Variants in TBC1D2B observed in about 807,000 individuals in gnomAD.
TBC1D2B encodes the protein TBC1 domain family, member 2B.
TBC1D2B carries 64 observed loss-of-function variants against 100.8 expected under a neutral mutation model. That is an observed-to-expected ratio of 0.64 (90% CI 0.52 to 0.78). TBC1D2B has a LOEUF of 0.78. Ranked by LOEUF, TBC1D2B falls within the 30% of genes least tolerant of loss-of-function variation. TBC1D2B has a pLI of 0.00. For missense variants in TBC1D2B, 1,052 were observed against 1,218.4 expected (o/e 0.86, Z 2.03); for synonymous variants, 480 against 479.7 (o/e 1.00, Z -0.01).
chr15:78,023,313 C>T (rs1427400730), intron 6 of TBC1D2B, among the ~76,000 whole-genome samples: 1 of 152,186 alleles, frequency 6.6e-6, no homozygotes, highest in Non-Finnish European at 1.5e-5. Context: ...GTCAAACAGG[C>T]TATACTTGAT....
intron 12 of TBC1D2B, chr15:77,998,953 A>G (rs977024218): frequency 2.8e-5 from 5 of 180,014 alleles, no homozygotes; most frequent in African/African-American, 9.5e-5. Context: ...CAAGGCTCCA[A>G]TTTTCAATAA....
At chr15:78,038,846 T>C (rs576250655) in intron 3 of TBC1D2B, among the ~76,000 whole-genome samples, 1 of 152,332 alleles carries the variant, frequency 6.6e-6, no homozygotes, top group South Asian at 2.1e-4. Flanking sequence ...GTGATTTCCA[T>C]GGAACAGTGT....
At chr15:78,015,258 A>G (rs2072341692) in intron 8 of TBC1D2B, among the ~76,000 whole-genome samples, 1 of 152,152 alleles carries the variant, frequency 6.6e-6, no homozygotes, top group Non-Finnish European at 1.5e-5. Context: ...TTCCAGAAAA[A>G]AACTGTGGGG....
intron 2 of TBC1D2B, 113 bp downstream of exon 2, chr15:78,053,921 A>G (rs1805901240): frequency 4.3e-6 from 5 of 1,159,906 alleles, no homozygotes. Context: ...CTCATAAGGT[A>G]GCATCATTAT....
chr15:78,014,440 C>T (rs1335922401), intron 8 of TBC1D2B, among the ~76,000 whole-genome samples: 1 of 152,332 alleles, frequency 6.6e-6, no homozygotes, highest in Non-Finnish European at 1.5e-5. Context: ...TTCCAGTCTG[C>T]ACCCTAGAGA....
Position 78,013,208 on chromosome 15 carries a change from G to T in TBC1D2B, c.1885C>A (p.Gln629Lys). 1 of 1,613,952 alleles carries T rather than the reference G, an allele frequency of 6.2e-7. No homozygotes were observed. Among genetic ancestry groups the T allele is most frequent in the Non-Finnish European group, 8.5e-7 (1 of 1,179,884 alleles). ...CACTTGACCCCAGTGGAGACTTCCTGGTTTTCTGTGAGGTAGAGAGTCTTC... is the reference window on the plus strand; with the variant it reads ...CACTTGACCCCAGTGGAGACTTCCTTGTTTTCTGTGAGGTAGAGAGTCTTC... ...DLKTLYLTEN[Q>K]EVSTGVKWEN... is the part of the protein sequence containing the mutation. The change falls in exon 9 of 13, where the codon CAG becomes AAG. Residue 629 changes from glutamine (Q) to lysine (K), a missense_variant. Physicochemically the swap from Gln to Lys is moderately conservative, Grantham distance 53. Transcript: ENST00000300584.
At chr15:78,072,687 G>A (rs991187937) in intron 1 of TBC1D2B, among the ~76,000 whole-genome samples, 6 of 152,280 alleles carry the variant, frequency 3.9e-5, no homozygotes, top group Middle Eastern at 3.4e-3. Context: ...ATTTGCTGAC[G>A]GTCTGATGAC....
chr15:78,025,393 C>T lies in TBC1D2B; in HGVS notation c.952G>A (p.Gly318Ser). Reference sequence around the variant, plus strand: ...GATGTGCCTTCACTTGAAGGGTCACCACTGCTGTGACGATTTTTGTACGAC... The same window carrying T: ...GATGTGCCTTCACTTGAAGGGTCACTACTGCTGTGACGATTTTTGTACGAC... ...IGSYKNRHSS[G>S]DPSSEGTSGS... Residue 318 changes from glycine (G) to serine (S), a missense_variant, in exon 5 of 13, where the codon GGT becomes AGT. Transcript: ENST00000300584. 6.2e-7 allele frequency: 1 copy of T among 1,613,964 alleles called. No individual in the cohort carries two copies. The highest frequency in any genetic ancestry group is 1.7e-4 in the Middle Eastern group (1 of 6,044).
intron 1 of TBC1D2B, 57 bp downstream of exon 1, chr15:78,077,236 C>G (rs1266851442): frequency 7.1e-7 from 1 of 1,403,786 alleles, no homozygotes; most frequent in South Asian, 1.6e-5. Context: ...AAGCCAGTGG[C>G]GGAGGCAGGG....
chr15:78,040,878 G>GAAAGAAAGAAAGAAAGAAAGAAAC (rs1567026244), intron 3 of TBC1D2B, among the ~76,000 whole-genome samples: 30 of 145,312 alleles, frequency 2.1e-4, no homozygotes, highest in Admixed American at 1.4e-3. Flanking sequence ...AAGAAAGAAA[G>GAAAGAAAGAAAGAAAGAAAGAAAC]AAAGAGAGAG....
chr15:78,033,924 C>T (rs1421598797), intron 3 of TBC1D2B, among the ~76,000 whole-genome samples: 3 of 152,268 alleles, frequency 2.0e-5, no homozygotes, highest in African/African-American at 2.4e-5. Flanking sequence ...GTTCTCATCA[C>T]GCTATCACAG....
chr15:78,010,119 CA>C (rs1326454184), intron 9 of TBC1D2B, among the ~76,000 whole-genome samples: 4 of 152,136 alleles, frequency 2.6e-5, no homozygotes, highest in Non-Finnish European at 5.9e-5. Context: ...ACAGCTTTCC[CA>C]ACACCATCCT....
At chr15:78,023,461 A>G (rs1412637810) in intron 6 of TBC1D2B, among the ~76,000 whole-genome samples, 1 of 152,178 alleles carries the variant, frequency 6.6e-6, no homozygotes, top group African/African-American at 2.4e-5. Context: ...CAAGAAGAGA[A>G]ATGCAGGCTG....
intron 1 of TBC1D2B, chr15:78,066,167 A>C (rs1174217867): frequency 2.2e-6 from 1 of 447,430 alleles, no homozygotes; most frequent in Non-Finnish European, 4.7e-6. Flanking sequence ...AGCCACCATG[A>C]TCAGCAAAGG....
Position 78,077,509 on chromosome 15 carries a change from G to T in TBC1D2B, c.144C>A (p.Gly48=). The change falls in exon 1 of 13, where the codon GGC becomes GGA. Residue 48 remains glycine (G), a synonymous_variant. Coordinates refer to ENST00000300584, the MANE Select transcript of TBC1D2B (RefSeq NM_144572.2). The part of the protein sequence containing the change: ...CGYLQKLSGK[G]PLRGYRSRWF... ...AGCGGCTGCGGTAGCCACGCAGGGGGCCCTTGCCCGACAGCTTCTGCAGAT... is the reference window on the plus strand; with the variant it reads ...AGCGGCTGCGGTAGCCACGCAGGGGTCCCTTGCCCGACAGCTTCTGCAGAT... The T allele has an allele frequency of 1.3e-6, 2 of 1,530,026 alleles. No individual in the cohort carries two copies. Among genetic ancestry groups the T allele is most frequent in the Non-Finnish European group, 8.8e-7 (1 of 1,138,734 alleles). The allele number at this position is 1,530,026 out of a possible 1,614,324, so 94.8% of individuals were successfully genotyped here.
At chr15:78,071,846 A>G (rs4887001) in intron 1 of TBC1D2B, among the ~76,000 whole-genome samples, 135,266 of 152,254 alleles carry the variant, frequency 0.89, 60,798 homozygotes, top group East Asian at 0.99. Context: ...ACCACAGACT[A>G]AGTGGCTTAA....
intron 2 of TBC1D2B, among the ~76,000 whole-genome samples, chr15:78,047,211 C>T (rs1232817645): frequency 1.3e-5 from 2 of 150,026 alleles, no homozygotes; most frequent in African/African-American, 2.5e-5. Context: ...TCACTAAGGC[C>T]TGGAGTGCAG....
chr15:78,067,464 CT>C (rs1375909200), intron 1 of TBC1D2B, among the ~76,000 whole-genome samples: 1 of 152,218 alleles, frequency 6.6e-6, no homozygotes, highest in African/African-American at 2.4e-5. Context: ...CAAGCACAGC[CT>C]CTCCTGAACA....
Position 78,003,413 on chromosome 15 carries a change from G to A in TBC1D2B, c.2466C>T (p.Val822=). The change falls in exon 11 of 13, where the codon GTC becomes GTT. Residue 822 remains valine (V), a synonymous_variant. Transcript: ENST00000300584. ...RLHGHFEQYK[V]DYTLITFNWF... ...AGTTGAAAGTGATGAGAGTGTAGTC[G>A]ACTTTGTACTGTTCAAAGTGGCCAT... 8 of 1,613,736 alleles carry A rather than the reference G, an allele frequency of 5.0e-6. No individual in the cohort carries two copies. The highest frequency in any genetic ancestry group is 4.5e-5 in the East Asian group (2 of 44,880).
Sources: gnomAD v4.1 joint callset for allele counts (sites outside exome capture counted in the v4.1 genomes callset) on GRCh38, gnomAD v4.1.1 for gene constraint, MANE v1.5 for transcripts, NCBI Gene and HGNC (gene_info 2026-07-23, HGNC 2026-07-21) for gene names.